The following MGST1 variants were observed in gnomAD, a reference collection of about 807,000 sequenced individuals.
MGST1 encodes the protein microsomal glutathione S-transferase 1.
In MGST1, 5 loss-of-function variants were observed where a neutral mutation model predicts 8.9. The observed-to-expected ratio is 0.56, with a 90% CI of 0.29 to 1.19. The LOEUF (loss-of-function observed/expected upper bound fraction) is 1.19, where lower values mean the gene tolerates loss of function less well. Ranked by LOEUF, MGST1 falls within the 50% of genes most tolerant of loss-of-function variation. The pLI, the probability that MGST1 is intolerant of heterozygous loss-of-function variation, is 0.08. For missense variants in MGST1, 182 were observed against 187.4 expected, an observed-to-expected ratio of 0.97 and a Z score of 0.17; for synonymous variants, 54 against 67.8, an observed-to-expected ratio of 0.80 and a Z score of 1.00.
rs1294893035 is a variant in MGST1 at position 16,503,280 on chromosome 12, T to C, written n.483-86248T>C. The stretch of plus-strand genomic sequence containing the variant: ...GGGAAGGAAAATAAGACAGAACGGG[T>C]GGTCAAATAGCATTTTTTTCTACTT... On this transcript the variant is annotated intron_variant and non_coding_transcript_variant, in intron 4 of 4. Coordinates refer to the MGST1 transcript ENST00000538857. This position sits in a 1 kb window ranked among gnomAD's most constrained non-coding sequence, Gnocchi z 4.8. Among the ~76,000 whole-genome samples the C allele has an allele frequency of 1.3e-5, 2 of 150,842 alleles. No individual in the cohort carries two copies. Among genetic ancestry groups the C allele is most frequent in the East Asian group, 3.9e-4 (2 of 5,092 alleles).
chr12:16,452,997 A>C (rs1156789687), intron 4 of MGST1, among the ~76,000 whole-genome samples: 2 of 151,964 alleles, frequency 1.3e-5, no homozygotes, highest in African/African-American at 4.8e-5. Context: ...AATTTGATTA[A>C]AGTGTTCCCA....
intron 4 of MGST1, among the ~76,000 whole-genome samples, chr12:16,494,495 A>G (rs982937740): frequency 2.6e-5 from 4 of 152,224 alleles, no homozygotes; most frequent in African/African-American, 9.6e-5. Context: ...ACTAACAAAC[A>G]GAAATATGTT....
At chr12:16,348,675 G>A (rs925561399) in intron 1 of MGST1, among the ~76,000 whole-genome samples, 2 of 152,034 alleles carry the variant, frequency 1.3e-5, no homozygotes, top group Non-Finnish European at 2.9e-5. Flanking sequence ...GTCCCAGCCT[G>A]CTGTGAGTCC....
At position 16,582,072 on chromosome 12, in the gene MGST1, C is replaced by T. The variant is rs760078582; in HGVS notation, n.483-7456C>T. Among the ~76,000 whole-genome samples the T allele has an allele frequency of 3.9e-5, 6 of 152,054 alleles. No individual in the cohort carries two copies. The highest frequency in any genetic ancestry group is 7.4e-5 in the Non-Finnish European group (5 of 67,990). On this transcript the variant is annotated intron_variant and non_coding_transcript_variant, in intron 4 of 4. Transcript: ENST00000538857. This position sits in a 1 kb window ranked among gnomAD's most constrained non-coding sequence, Gnocchi z 4.1. ...ATGAGTATCCCTGGCTTTTTCTTGG[C>T]TTTAATGGAAATTACTTTAGTATTT...
At position 16,361,684 on chromosome 12, in the gene MGST1, A is replaced by T. The variant is rs75511239; in HGVS notation, c.222-2111A>T. The stretch of plus-strand genomic sequence containing the variant: ...AGCTGGGGAACTGTTTGCCTGGAAC[A>T]GAGTCTCAAAAGAAGTACAAAATAC... On this transcript the variant is annotated intron_variant, in intron 3 of 3. Transcript: ENST00000396210. This position sits in a 1 kb window ranked among gnomAD's most constrained non-coding sequence, Gnocchi z 4.2. 6.1e-3 allele frequency among the ~76,000 whole-genome samples: 935 copies of T among 152,324 alleles called. 12 individuals are homozygous for T. The highest frequency in any genetic ancestry group is 0.021 in the African/African-American group (876 of 41,570).
rs1057357440 is a variant in MGST1, at chr12:16,357,661, G to A, written c.183G>A (p.Lys61=). 5.0e-6 allele frequency: 8 copies of A among 1,613,824 alleles called. No homozygotes were observed. In the Admixed American group the frequency reaches 1.0e-4, roughly 20 times the overall value. Residue 61 remains lysine, a synonymous_variant, in exon 3 of 4, where the codon AAG becomes AAA. Transcript: ENST00000396210. ...VAFGKGENAK[K]YLRTDDRVER... ...TTGGCAAAGGAGAAAATGCCAAGAA[G>A]TATCTTCGAACAGATGACAGAGTAG...
chr12:16,421,026 T>A (rs554259218), intron 1 of MGST1, among the ~76,000 whole-genome samples: 22 of 152,250 alleles, frequency 1.4e-4, no homozygotes, highest in South Asian at 8.3e-4. Context: ...TCATTGTCTC[T>A]CTTCTCTCCT....
chr12:16,564,775 T>C (rs1942532393), intron 4 of MGST1, among the ~76,000 whole-genome samples: 1 of 152,222 alleles, frequency 6.6e-6, no homozygotes, highest in Admixed American at 6.5e-5. Context: ...TTTAATGAGA[T>C]AAATATGCAT....
chr12:16,562,953 A>AT (rs1014860890), intron 4 of MGST1, among the ~76,000 whole-genome samples: 109 of 152,256 alleles, frequency 7.2e-4, no homozygotes, highest in African/African-American at 2.6e-3. Context: ...TGCATATGTG[A>AT]TTTTTAATCA....
chr12:16,504,481 T>C (rs547380118), intron 4 of MGST1, among the ~76,000 whole-genome samples: 1 of 152,310 alleles, frequency 6.6e-6, no homozygotes, highest in South Asian at 2.1e-4. Flanking sequence ...TCTCTTTCCT[T>C]TTAATTTGCT....
chr12:16,405,375 T>C lies in MGST1; in HGVS notation n.778+21771T>C, dbSNP rs73066122. ...TCCCATGACTGAACCAGGAAGAAAT[T>C]AAGTCTCTTAACAGATAATAATGAG... On this transcript the variant is annotated intron_variant and non_coding_transcript_variant, in intron 1 of 1. Coordinates refer to the MGST1 transcript ENST00000359720. Among the ~76,000 whole-genome samples, 880 of 151,702 alleles carry C rather than the reference T, an allele frequency of 5.8e-3. 6 individuals are homozygous for C. The highest frequency in any genetic ancestry group is 0.013 in the South Asian group (64 of 4,804).
At position 16,503,936 on chromosome 12, in the gene MGST1, T is replaced by G. The variant is rs1467802018; in HGVS notation, n.483-85592T>G. On this transcript the variant is annotated intron_variant and non_coding_transcript_variant, in intron 4 of 4. Transcript: ENST00000538857. This position sits in a 1 kb window ranked among gnomAD's most constrained non-coding sequence, Gnocchi z 4.8. ...GCCCTGCTCTGCAAGGCACAGTACC[T>G]CCGGTGCTGCTGTATGCTGCTGCCC... Among the ~76,000 whole-genome samples, 1 of 152,192 alleles carries G rather than the reference T, an allele frequency of 6.6e-6. No homozygotes were observed. The highest frequency in any genetic ancestry group is 1.5e-5 in the Non-Finnish European group (1 of 68,028).
chr12:16,561,149 G>C (rs977471224), intron 4 of MGST1, among the ~76,000 whole-genome samples: 2 of 151,980 alleles, frequency 1.3e-5, no homozygotes, highest in Non-Finnish European at 2.9e-5. Flanking sequence ...GAAATTGAAG[G>C]ATAATATACT....
chr12:16,366,438 C>A (rs375931314), downstream of MGST1, among the ~76,000 whole-genome samples: 2 of 152,058 alleles, frequency 1.3e-5, no homozygotes, highest in Admixed American at 6.6e-5. This position sits in a 1 kb window ranked among gnomAD's most constrained non-coding sequence, Gnocchi z 4.0. Flanking sequence ...GACTACAAGA[C>A]AGAATTGGCT....
At chr12:16,519,072 T>C (rs1358913375) in intron 4 of MGST1, among the ~76,000 whole-genome samples, 2 of 152,206 alleles carry the variant, frequency 1.3e-5, no homozygotes, top group African/African-American at 4.8e-5. Context: ...GCTCAGGCTC[T>C]GGAACCAATA....
At chr12:16,486,667 T>C (rs1313579758) in intron 4 of MGST1, among the ~76,000 whole-genome samples, 1 of 152,132 alleles carries the variant, frequency 6.6e-6, no homozygotes, top group Non-Finnish European at 1.5e-5. Context: ...GGAAAACGAG[T>C]TGGGCTCATG....
At chr12:16,360,120 G>C (rs1939919112) in intron 3 of MGST1, among the ~76,000 whole-genome samples, 4 of 152,178 alleles carry the variant, frequency 2.6e-5, no homozygotes, top group Admixed American at 1.3e-4. Flanking sequence ...ACTGAGAGAA[G>C]AGCGTCTCCA....
At position 16,445,855 on chromosome 12, in the gene MGST1, T is replaced by C. The variant is rs1941075873; in HGVS notation, n.482+62251T>C. Among the ~76,000 whole-genome samples the C allele has an allele frequency of 3.3e-5, 5 of 151,950 alleles. No homozygotes were observed. The South Asian group carries it at 1.0e-3, about 31-fold the overall frequency. On this transcript the variant is annotated intron_variant and non_coding_transcript_variant, in intron 4 of 4. Coordinates refer to the MGST1 transcript ENST00000538857. ...ATCTTTAAGGACGACACTAATATCCTTCATATCCTTAGAAGTATAACATTA... is the reference window on the plus strand; with the variant it reads ...ATCTTTAAGGACGACACTAATATCCCTCATATCCTTAGAAGTATAACATTA...
rs1941195676 is a variant in MGST1, at chr12:16,458,556, A to T, written n.482+74952A>T. ...TTTAGGAAGGGTGTTAGTTCACTTC[A>T]TTGCTTTATCAATGAATCTTGGCTG... On this transcript the variant is annotated intron_variant and non_coding_transcript_variant, in intron 4 of 4. Transcript: ENST00000538857. The surrounding 1 kb of genome is among the most constrained non-coding windows in gnomAD (Gnocchi z 4.0). Among the ~76,000 whole-genome samples the T allele has an allele frequency of 6.6e-6, 1 of 152,022 alleles. No homozygotes were observed. The highest frequency in any genetic ancestry group is 2.4e-5 in the African/African-American group (1 of 41,414).
Sources: gnomAD v4.1 joint callset for allele counts (sites outside exome capture counted in the v4.1 genomes callset) on GRCh38, gnomAD v4.1.1 for gene constraint, Gnocchi (gnomAD v3.1) non-coding constraint, MANE v1.5 for transcripts, NCBI Gene and HGNC (gene_info 2026-07-23, HGNC 2026-07-21) for gene names.